The following SLC11A2 variants were observed in gnomAD, a reference collection of about 807,000 sequenced individuals.
SLC11A2 encodes natural resistance-associated macrophage protein 2.
A neutral mutation model predicts 68.0 loss-of-function variants in SLC11A2; 38 were observed. The observed-to-expected ratio is 0.56, with a 90% CI of 0.43 to 0.73. The LOEUF (loss-of-function observed/expected upper bound fraction) is 0.73, where lower values mean the gene tolerates loss of function less well. SLC11A2 is among the 30% of genes least tolerant of loss of function. The pLI, the probability that SLC11A2 is intolerant of heterozygous loss-of-function variation, is 0.00. For synonymous variants in SLC11A2, 242 were observed against 250.6 expected (o/e 0.97, Z 0.32); for missense variants, 517 against 690.5 (o/e 0.75, Z 2.82).
At chr12:51,000,725 C>G (rs1304905591) in intron 5 of SLC11A2, 1 of 585,620 alleles carries the variant, frequency 1.7e-6, no homozygotes, top group Non-Finnish European at 3.0e-6. Context: ...CTAACTTCCA[C>G]TTAATTTCCT....
chr12:51,027,918 G>A (rs1441718329), upstream of SLC11A2, among the ~76,000 whole-genome samples: 13 of 342 alleles, frequency 0.038, no homozygotes, highest in South Asian at 0.5. Context: ...AAAAAAAAGT[G>A]GGGGGGGGGG....
At chr12:50,969,226 G>A in the SLC11A2 span, among the ~76,000 whole-genome samples, 2 of 151,892 alleles carry the variant, frequency 1.3e-5, no homozygotes, top group East Asian at 1.9e-4. Flanking sequence ...TCTGGGAGGC[G>A]GAGGCTGCAG....
chr12:50,959,849 C>T, the SLC11A2 span, among the ~76,000 whole-genome samples: 2 of 151,972 alleles, frequency 1.3e-5, no homozygotes, highest in Admixed American at 6.6e-5. Flanking sequence ...GGGATTTCAC[C>T]GTGTTGGCCA....
At chr12:50,960,991 G>A in the SLC11A2 span, 722 of 1,600,050 alleles carry the variant, frequency 4.5e-4, 3 homozygotes, top group African/African-American at 8.1e-3. Flanking sequence ...TGTGACTGTG[G>A]TGTCCTGTGG....
At chr12:51,022,412 A>T (rs927294827) in intron 1 of SLC11A2, among the ~76,000 whole-genome samples, 7 of 126,332 alleles carry the variant, frequency 5.5e-5, no homozygotes, top group African/African-American at 1.8e-4. Flanking sequence ...AGTCTCCATT[A>T]AAAAAAAAAA....
chr12:51,011,590 T>C (rs1297262555), intron 1 of SLC11A2, among the ~76,000 whole-genome samples: 2 of 134,764 alleles, frequency 1.5e-5, no homozygotes, highest in Admixed American at 8.3e-5. Flanking sequence ...TTAGACGGAG[T>C]CTCACTCTGT....
the SLC11A2 span, chr12:50,970,539 G>A: frequency 3.7e-6 from 5 of 1,337,408 alleles, no homozygotes; most frequent in Admixed American, 1.1e-4. Flanking sequence ...AAGACAAGAA[G>A]CTTCTGAAAA....
upstream of SLC11A2, chr12:51,028,352 G>T: frequency 1.7e-6 from 1 of 587,870 alleles, no homozygotes; most frequent in Non-Finnish European, 2.9e-6. Flanking sequence ...CTAAAGACGA[G>T]CAAGGAATTT....
intron 1 of SLC11A2, chr12:51,026,083 C>T: frequency 1.8e-6 from 2 of 1,100,344 alleles, no homozygotes; most frequent in Non-Finnish European, 2.2e-6. Context: ...GGCGTTCCCT[C>T]CCTGCCCCCA....
chr12:50,998,811 A>T (rs1472474446), intron 8 of SLC11A2, among the ~76,000 whole-genome samples: 1 of 152,194 alleles, frequency 6.6e-6, no homozygotes, highest in East Asian at 1.9e-4. Context: ...ACCAGGATGA[A>T]CAAAAGCAGA....
chr12:51,027,948 G>C (rs541608854), upstream of SLC11A2, among the ~76,000 whole-genome samples: 5 of 151,986 alleles, frequency 3.3e-5, no homozygotes, highest in Admixed American at 3.3e-4. Flanking sequence ...CCTGGAGCAG[G>C]TTGGTTTTCA....
chr12:50,980,231 C>CA, downstream of SLC11A2: 1 of 228,404 alleles, frequency 4.4e-6, no homozygotes. Context: ...GTCTTAACAA[C>CA]AAAAAACGCT....
chr12:51,015,008 A>G (rs1943523794), intron 1 of SLC11A2, among the ~76,000 whole-genome samples: 1 of 151,030 alleles, frequency 6.6e-6, no homozygotes, highest in Non-Finnish European at 1.5e-5. Context: ...TAAAAATACA[A>G]AAGTTAGCCA....
intron 1 of SLC11A2, among the ~76,000 whole-genome samples, chr12:51,012,323 C>A (rs1474770448): frequency 2.0e-5 from 3 of 150,282 alleles, no homozygotes; most frequent in African/African-American, 7.4e-5. Flanking sequence ...GGCATATTCT[C>A]CATTGAGCCT....
At chr12:50,992,523 G>T (rs1941257524) in intron 12 of SLC11A2, among the ~76,000 whole-genome samples, 184 bp from the exon 13 acceptor site, 1 of 151,962 alleles carries the variant, frequency 6.6e-6, no homozygotes, top group Admixed American at 6.6e-5. Flanking sequence ...TTGAGGTCAG[G>T]AGTTCAAGAC....
chr12:51,021,520 G>A (rs1207558425), intron 1 of SLC11A2, among the ~76,000 whole-genome samples: 1 of 152,036 alleles, frequency 6.6e-6, no homozygotes. Context: ...CCAGCTACTT[G>A]GGAGGCTGAG....
chr12:50,962,890 T>C, the SLC11A2 span, among the ~76,000 whole-genome samples: 29,439 of 151,990 alleles, frequency 0.19, 2,993 homozygotes, highest in South Asian at 0.27. Context: ...CACAGAAGCA[T>C]GGCATGTAAG....
At chr12:50,975,139 C>T (rs1028883865), downstream of SLC11A2, among the ~76,000 whole-genome samples, 1 of 152,108 alleles carries the variant, frequency 6.6e-6, no homozygotes, top group African/African-American at 2.4e-5. Context: ...ACCAAGTGGA[C>T]CTAATAGACA....
chr12:51,021,725 C>G (rs1037267880), intron 1 of SLC11A2, among the ~76,000 whole-genome samples: 2 of 151,738 alleles, frequency 1.3e-5, no homozygotes, highest in South Asian at 2.1e-4. Flanking sequence ...AATGAAAAAC[C>G]TGACATTGAG....
Sources: gnomAD v4.1 joint callset for allele counts (sites outside exome capture counted in the v4.1 genomes callset) on GRCh38, gnomAD v4.1.1 for gene constraint, MANE v1.5 for transcripts, NCBI Gene and HGNC (gene_info 2026-07-23, HGNC 2026-07-21) for gene names.